Variants in DHRSX observed in about 807,000 individuals in gnomAD.
DHRSX encodes polyprenol dehydrogenase.
DHRSX carries 31 observed loss-of-function variants against 34.0 expected under a neutral mutation model. The observed-to-expected ratio is 0.91, with a 90% confidence interval of 0.69 to 1.23. The LOEUF (loss-of-function observed/expected upper bound fraction) is 1.23. Among genes scored for constraint, DHRSX ranks in the 50% most tolerant of loss-of-function variants. The pLI, the probability that DHRSX is intolerant of heterozygous loss-of-function variation, is 0.00. For missense variants in DHRSX, 414 were observed against 428.1 expected, an observed-to-expected ratio of 0.97 and a Z score of 0.29; for synonymous variants, 201 against 183.8, an observed-to-expected ratio of 1.09 and a Z score of -0.76.
intron 5 of DHRSX, among the ~76,000 whole-genome samples, chrX:2,255,894 C>T (rs1426057648): frequency 6.6e-6 from 1 of 151,760 alleles, no homozygotes; most frequent in Non-Finnish European, 1.5e-5. Flanking sequence ...AGCCTCGATG[C>T]CTGGGTGACA....
intron 2 of DHRSX, among the ~76,000 whole-genome samples, chrX:2,423,047 C>T (rs1230019323): frequency 6.7e-6 from 1 of 149,788 alleles, no homozygotes; most frequent in East Asian, 2.1e-4. Flanking sequence ...AAGTGATCTG[C>T]CCACCTTGAC....
intron 1 of DHRSX, among the ~76,000 whole-genome samples, chrX:2,493,332 A>T (rs745399985): frequency 3.4e-4 from 51 of 152,162 alleles, no homozygotes; most frequent in South Asian, 1.2e-3. Context: ...CATCATCATC[A>T]TATTATTATT....
At chrX:2,374,400 A>G (rs28660664) in intron 3 of DHRSX, among the ~76,000 whole-genome samples, 4 of 151,728 alleles carry the variant, frequency 2.6e-5, no homozygotes, top group Admixed American at 6.6e-5. Context: ...GGAGTTCAAG[A>G]CCACCCAGGG....
chrX:2,354,114 A>C (rs896162695), intron 3 of DHRSX, among the ~76,000 whole-genome samples: 2 of 152,140 alleles, frequency 1.3e-5, no homozygotes, highest in African/African-American at 4.8e-5. Flanking sequence ...AAGGGTAGGC[A>C]TCGTCTCCTG....
chrX:2,330,747 G>T (rs2042461058), intron 3 of DHRSX, among the ~76,000 whole-genome samples: 1 of 150,494 alleles, frequency 6.6e-6, no homozygotes, highest in Non-Finnish European at 1.5e-5. Flanking sequence ...GGAAGAGGAG[G>T]GAAGAGAAGA....
At position 2,360,454 on chromosome X, in the gene DHRSX, G is replaced by A. The variant is rs867100732; in HGVS notation, c.286+48291C>T. Among the ~76,000 whole-genome samples the A allele has an allele frequency of 2.6e-4, 40 of 152,096 alleles. 1 individual carries two copies. Among genetic ancestry groups the A allele is most frequent in the South Asian group, 6.2e-4 (3 of 4,804 alleles). ...AAAAATGAGCCAGGTGTGGTGGTGC[G>A]TGCCTGTAATCCCAGCTACTTGGGA... is the stretch of plus-strand genomic sequence containing the variant. On this transcript the variant is annotated intron_variant, in intron 3 of 6. Transcript: ENST00000334651.
chrX:2,308,192 T>C (rs908017894), intron 3 of DHRSX, among the ~76,000 whole-genome samples: 3 of 152,044 alleles, frequency 2.0e-5, no homozygotes, highest in Non-Finnish European at 2.9e-5. Context: ...CAGTTATCCA[T>C]GTGGCAAGAA....
chrX:2,396,471 G>A (rs892735311), intron 3 of DHRSX, among the ~76,000 whole-genome samples: 15 of 137,678 alleles, frequency 1.1e-4, no homozygotes, highest in South Asian at 2.4e-4. Flanking sequence ...TCAGCCTCCC[G>A]GGTTCAAGCC....
At chrX:2,368,242 C>CAAAA (rs761239560) in intron 3 of DHRSX, among the ~76,000 whole-genome samples, 1 of 118,340 alleles carries the variant, frequency 8.5e-6, no homozygotes, top group Non-Finnish European at 1.8e-5. Context: ...GACTCTGTCT[C>CAAAA]AAAAAAAAAA....
intron 3 of DHRSX, among the ~76,000 whole-genome samples, chrX:2,340,483 C>T (rs2042627617): frequency 1.3e-5 from 2 of 151,564 alleles, no homozygotes; most frequent in Admixed American, 1.3e-4. Context: ...TGATGTCCAT[C>T]AATATATACA....
In DHRSX at chrX:2,242,381, C is replaced by T. The variant is rs757445505; in HGVS notation, c.804+642G>A. Among the ~76,000 whole-genome samples the T allele has an allele frequency of 2.7e-4, 41 of 152,110 alleles. 1 individual carries two copies. The highest frequency in any genetic ancestry group is 1.5e-3 in the South Asian group (7 of 4,790). On this transcript the variant is annotated intron_variant, in intron 6 of 6. Transcript: ENST00000334651. ...GGGGTGAGAATGTACAAATACATCA[C>T]GGAATCCAAGCCCCCAACACCGCAC...
chrX:2,422,914 A>T (rs2043798444), intron 2 of DHRSX, among the ~76,000 whole-genome samples: 1 of 151,978 alleles, frequency 6.6e-6, no homozygotes, highest in Admixed American at 6.6e-5. Context: ...CCTCCCGAGT[A>T]GCTGGGACTA....
At chrX:2,393,596 A>T in intron 3 of DHRSX, among the ~76,000 whole-genome samples, 1 of 135,248 alleles carries the variant, frequency 7.4e-6, no homozygotes. Flanking sequence ...TCTCCTCTGC[A>T]CACACGACAC....
chrX:2,427,321 C>G (rs532177913), intron 1 of DHRSX, among the ~76,000 whole-genome samples: 1 of 152,184 alleles, frequency 6.6e-6, no homozygotes, highest in Non-Finnish European at 1.5e-5. Flanking sequence ...CCCCAGAGTT[C>G]GTGAGCTTCT....
intron 5 of DHRSX, among the ~76,000 whole-genome samples, chrX:2,255,926 T>G (rs2124447192): frequency 6.6e-6 from 1 of 150,528 alleles, no homozygotes; most frequent in African/African-American, 2.4e-5. Flanking sequence ...CTGTCTCAAA[T>G]AAAATAAAAT....
chrX:2,449,228 A>G (rs1208648029), intron 1 of DHRSX, among the ~76,000 whole-genome samples: 1 of 151,822 alleles, frequency 6.6e-6, no homozygotes, highest in Non-Finnish European at 1.5e-5. Context: ...CACCCTGACC[A>G]GAAGAGACGA....
intron 4 of DHRSX, 103 bp from the exon 5 acceptor site, chrX:2,267,050 G>T: frequency 8.4e-7 from 1 of 1,195,788 alleles, no homozygotes; most frequent in Non-Finnish European, 1.2e-6. Context: ...ACATCGGAGG[G>T]TGGGGTGTAG....
At chrX:2,371,964 C>T (rs1362373027) in intron 3 of DHRSX, among the ~76,000 whole-genome samples, 1 of 152,208 alleles carries the variant, frequency 6.6e-6, no homozygotes, top group Non-Finnish European at 1.5e-5. Context: ...CACAGCTGGA[C>T]ACTGGGCGCT....
chrX:2,496,906 A>C lies in DHRSX; in HGVS notation c.109+3911T>G, dbSNP rs1045562317. Among the ~76,000 whole-genome samples, 27 of 149,428 alleles carry C rather than the reference A, an allele frequency of 1.8e-4. 1 individual carries two copies. Among genetic ancestry groups the C allele is most frequent in the African/African-American group, 5.8e-4 (24 of 41,154 alleles). On this transcript the variant is annotated intron_variant, in intron 1 of 6. Transcript: ENST00000334651. The stretch of plus-strand genomic sequence containing the variant: ...TATATATATTTAATAAAAATAAAAT[A>C]TAAAAACAATAAATATATTACATAC...
Sources: gnomAD v4.1 joint callset for allele counts (sites outside exome capture counted in the v4.1 genomes callset) on GRCh38, gnomAD v4.1.1 for gene constraint, MANE v1.5 for transcripts, NCBI Gene and HGNC (gene_info 2026-07-23, HGNC 2026-07-21) for gene names.